ITCH: variants seen among roughly 807,000 people sequenced by gnomAD.
ITCH encodes itchy E3 ubiquitin protein ligase, also known as E3 ubiquitin-protein ligase Itchy homolog.
A neutral mutation model predicts 126.8 loss-of-function variants in ITCH; 28 were observed. That is an observed-to-expected ratio of 0.22 (90% confidence interval 0.16 to 0.30). ITCH has a LOEUF of 0.30. Among genes scored for constraint, ITCH ranks in the 10% least tolerant of loss-of-function variants. ITCH has a pLI of 1.00. For missense variants in ITCH, 631 were observed against 1,032.4 expected, an observed-to-expected ratio of 0.61 and a Z score of 5.33; for synonymous variants, 342 against 340.0, an observed-to-expected ratio of 1.01 and a Z score of -0.06.
At position 34,480,323 on chromosome 20, in the gene ITCH, G is replaced by A. The variant is rs1267211745; in HGVS notation, c.1819-276G>A. ...AGCAATTCTCCTGCCTCAGCCTCCC[G>A]AGTAGCTGGGATTACAAACAAGCAT... On this transcript the variant is annotated intron_variant, in intron 18 of 24. Coordinates refer to ENST00000374864, the MANE Select transcript of ITCH (RefSeq NM_031483.7). 9.2e-5 allele frequency among the ~76,000 whole-genome samples: 14 copies of A among 151,992 alleles called. No homozygotes were observed. The East Asian group carries it at 1.9e-3, about 21-fold the overall frequency.
intron 17 of ITCH, 63 bp from the exon 18 acceptor site, chr20:34,479,567 A>G (rs748356526): frequency 2.2e-5 from 30 of 1,390,570 alleles, no homozygotes; most frequent in Non-Finnish European, 2.5e-5. Context: ...ACTTTATAGC[A>G]CTGTTCTTTG....
Position 34,508,951 on chromosome 20 carries a change from G to C in ITCH, c.*1157G>C, listed in dbSNP as rs78110206. ...GTGGTACTGGCTAAAAAGAAAGGAA[G>C]ATAACATCCAGTAACCACAGGAATA... On this transcript the variant is annotated 3_prime_UTR_variant, in exon 25 of 25. Transcript: ENST00000374864. 2.0e-5 allele frequency: 3 copies of C among 152,234 alleles called. No individual in the cohort carries two copies. In the South Asian group the frequency reaches 6.2e-4, roughly 32 times the overall value. The allele number at this position is 152,234 out of a possible 1,614,324, so 9.4% of individuals were successfully genotyped here. A position where few individuals can be genotyped will look rare whatever the true frequency, so the allele number is the denominator to read the frequency against.
chr20:34,480,394 G>A (rs1447792603), intron 18 of ITCH, among the ~76,000 whole-genome samples: 4 of 151,798 alleles, frequency 2.6e-5, no homozygotes, highest in Non-Finnish European at 5.9e-5. Flanking sequence ...TAGAGATGGG[G>A]TTTCTCCATG....
In ITCH at chr20:34,406,701, ATTTTTT is replaced by A. The variant is rs1283349067; in HGVS notation, c.71-1949_71-1944del. On this transcript the variant is annotated intron_variant, in intron 3 of 24. Transcript: ENST00000374864. ...AGGCGCTCGCCACCACGCCCGGCTA[ATTTTTT>A]GTATTTTTAGTAGAGACAGGGTTTC... 5.3e-5 allele frequency among the ~76,000 whole-genome samples: 8 copies of A among 151,844 alleles called. No homozygotes were observed. The East Asian group carries it at 1.6e-3, about 30-fold the overall frequency.
intron 7 of ITCH, among the ~76,000 whole-genome samples, chr20:34,427,390 A>G (rs1031974290): frequency 3.3e-5 from 5 of 152,192 alleles, no homozygotes; most frequent in Non-Finnish European, 5.9e-5. Flanking sequence ...GTTTGAGACC[A>G]GCCTGGGCAA....
At chr20:34,476,493 CAA>C (rs1988245965) in intron 16 of ITCH, 2 of 1,201,334 alleles carry the variant, frequency 1.7e-6, no homozygotes, top group African/African-American at 1.6e-5. Flanking sequence ...GTCGGGAACT[CAA>C]AAGGAATTAT....
chr20:34,380,417 G>A (rs1453172911), intron 2 of ITCH, among the ~76,000 whole-genome samples: 1 of 151,976 alleles, frequency 6.6e-6, no homozygotes, highest in East Asian at 1.9e-4. Flanking sequence ...ATTGAACTAT[G>A]CTAGAGATAC....
chr20:34,496,299 C>T (rs557283701), intron 23 of ITCH, among the ~76,000 whole-genome samples: 104 of 151,954 alleles, frequency 6.8e-4, no homozygotes, highest in Non-Finnish European at 1.4e-3. Flanking sequence ...TTTTTTAATG[C>T]ATTGTTTTTC....
chr20:34,386,251 A>G (rs902563966), intron 2 of ITCH, among the ~76,000 whole-genome samples: 1 of 152,038 alleles, frequency 6.6e-6, no homozygotes, highest in Non-Finnish European at 1.5e-5. Flanking sequence ...GGTGCCTGCC[A>G]CCACACCTGG....
chr20:34,413,308 AT>A (rs1457894928), intron 5 of ITCH, among the ~76,000 whole-genome samples: 3 of 152,210 alleles, frequency 2.0e-5, no homozygotes, highest in South Asian at 2.1e-4. Flanking sequence ...TTTAAAACAC[AT>A]TTTTTTCTAC....
At chr20:34,405,043 A>G (rs2039010604) in intron 3 of ITCH, among the ~76,000 whole-genome samples, 1 of 142,394 alleles carries the variant, frequency 7.0e-6, no homozygotes, top group South Asian at 2.4e-4. Context: ...GGAGGCTGAG[A>G]TGGGAGGATG....
intron 18 of ITCH, among the ~76,000 whole-genome samples, chr20:34,480,220 A>C (rs978453635): frequency 1.3e-5 from 2 of 151,574 alleles, no homozygotes; most frequent in African/African-American, 4.8e-5. Flanking sequence ...TTTTTGAGAC[A>C]AAGTTTCACT....
rs1234681221 is a variant in ITCH, at chr20:34,412,526, CT to C, written c.225del (p.Val76Ter). The C allele has an allele frequency of 1.3e-6, 2 of 1,597,112 alleles. No homozygotes were observed. Among genetic ancestry groups the C allele is most frequent in the Non-Finnish European group, 8.6e-7 (1 of 1,164,784 alleles). ...WKQPLTVIVT[P>X]VSKLHFRVWS... ...TTTTTCACTTTTAGTATCGTTACCCCTGTGAGTAAATTACATTTTCGTGTGT... is the reference window on the plus strand; with the variant it reads ...TTTTTCACTTTTAGTATCGTTACCCCGTGAGTAAATTACATTTTCGTGTGT... On this transcript the variant is annotated frameshift_variant, in exon 5 of 25. Transcript: ENST00000374864. LOFTEE classifies it high-confidence loss of function.
chr20:34,397,301 G>A (rs937810276), intron 3 of ITCH, among the ~76,000 whole-genome samples: 2 of 152,176 alleles, frequency 1.3e-5, no homozygotes, highest in Non-Finnish European at 2.9e-5. Context: ...GATTACAGGC[G>A]TGAGCCACCG....
intron 4 of ITCH, among the ~76,000 whole-genome samples, chr20:34,411,320 T>G (rs1435035476): frequency 6.6e-6 from 1 of 152,052 alleles, no homozygotes; most frequent in Non-Finnish European, 1.5e-5. Flanking sequence ...CTCAACTAAT[T>G]TTTTTGTAAT....
At chr20:34,417,804 C>T (rs1980147779) in intron 6 of ITCH, among the ~76,000 whole-genome samples, 1 of 146,644 alleles carries the variant, frequency 6.8e-6, no homozygotes, top group Non-Finnish European at 1.5e-5. Context: ...GCCAGAGGTT[C>T]TCATTCATCT....
intron 3 of ITCH, chr20:34,402,482 G>A (rs1476966080): frequency 5.2e-6 from 4 of 764,620 alleles, no homozygotes; most frequent in Non-Finnish European, 9.8e-6. Context: ...AAATAGACTA[G>A]AAATACATCT....
rs1009794736 is a variant in ITCH at position 34,408,647 on chromosome 20, A to C, written c.71-4A>C. On this transcript the variant is annotated splice_region_variant and splice_polypyrimidine_tract_variant and intron_variant, in intron 3 of 24. Coordinates refer to ENST00000374864, the MANE Select transcript of ITCH (RefSeq NM_031483.7). ...TTGAAATGTTTTTCATTTCTTTTAC[A>C]TAGTCATCTCAGCAAAACTTAAGGA... 6.2e-7 allele frequency: 1 copy of C among 1,611,398 alleles called. No homozygotes were observed. Among genetic ancestry groups the C allele is most frequent in the African/African-American group, 1.3e-5 (1 of 74,886 alleles).
At chr20:34,442,003 G>A (rs897830956) in intron 9 of ITCH, 3 of 590,242 alleles carry the variant, frequency 5.1e-6, no homozygotes, top group African/African-American at 3.7e-5. Context: ...TACTTGCATA[G>A]AAGAAATTGA....
Sources: gnomAD v4.1 joint callset for allele counts (sites outside exome capture counted in the v4.1 genomes callset) on GRCh38, gnomAD v4.1.1 for gene constraint, MANE v1.5 for transcripts, NCBI Gene and HGNC (gene_info 2026-07-23, HGNC 2026-07-21) for gene names.